Variants in HMCN1 observed in about 807,000 individuals in gnomAD.
The protein encoded by HMCN1 is hemicentin-1.
Under a neutral mutation model 625.9 loss-of-function variants are expected in HMCN1, and 321 were observed. That is an observed-to-expected ratio of 0.51 (90% confidence interval 0.47 to 0.56). HMCN1 has a LOEUF of 0.56. Among genes scored for constraint, HMCN1 ranks in the 20% least tolerant of loss-of-function variants. The probability of loss-of-function intolerance (pLI) is 0.00; values close to 1 mark genes in which losing one functional copy is unlikely to be tolerated. For synonymous variants in HMCN1, 2,425 were observed against 2,417.6 expected (o/e 1.00, Z -0.09); for missense variants, 6,588 against 6,887.3 (o/e 0.96, Z 1.54).
chr1:185,961,138 G>A (rs896296247), intron 11 of HMCN1, among the ~76,000 whole-genome samples: 1 of 152,122 alleles, frequency 6.6e-6, no homozygotes, highest in Non-Finnish European at 1.5e-5. Context: ...AAAAGGGGAG[G>A]GGGACAATTG....
intron 41 of HMCN1, among the ~76,000 whole-genome samples, chr1:186,046,884 A>G (rs1314294220): frequency 6.6e-6 from 1 of 152,188 alleles, no homozygotes; most frequent in Non-Finnish European, 1.5e-5. Flanking sequence ...ACACTCTCAT[A>G]ATAACCCAAC....
At chr1:185,891,751 C>G (rs1205282909) in intron 4 of HMCN1, among the ~76,000 whole-genome samples, 1 of 148,064 alleles carries the variant, frequency 6.8e-6, no homozygotes, top group Non-Finnish European at 1.5e-5. Flanking sequence ...ACATTTTTTC[C>G]TTCATTTCAA....
chr1:185,921,170 T>C (rs1666987204), intron 6 of HMCN1, among the ~76,000 whole-genome samples: 1 of 152,222 alleles, frequency 6.6e-6, no homozygotes, highest in Non-Finnish European at 1.5e-5. Context: ...TATAATCTTT[T>C]GTAACCTTTA....
intron 103 of HMCN1, among the ~76,000 whole-genome samples, chr1:186,175,612 G>A (rs1001113632): frequency 2.0e-5 from 3 of 152,100 alleles, no homozygotes; most frequent in African/African-American, 4.8e-5. Flanking sequence ...CCATAACCGT[G>A]ACTTTTCAGA....
At chr1:185,986,824 C>T (rs1349420675) in intron 19 of HMCN1, among the ~76,000 whole-genome samples, 3 of 116,562 alleles carry the variant, frequency 2.6e-5, no homozygotes, top group Non-Finnish European at 5.0e-5. Context: ...AAGACCCTGT[C>T]TCAAAAAAAA....
At chr1:185,887,373 C>T (rs971773971) in intron 4 of HMCN1, among the ~76,000 whole-genome samples, 22 of 151,456 alleles carry the variant, frequency 1.5e-4, no homozygotes, top group South Asian at 1.3e-3. Flanking sequence ...TAGTTACATA[C>T]GTATACATGT....
chr1:186,049,236 G>T (rs1009339198), intron 42 of HMCN1, among the ~76,000 whole-genome samples: 1 of 152,062 alleles, frequency 6.6e-6, no homozygotes, highest in African/African-American at 2.4e-5. Context: ...GGGCGCTTGC[G>T]TGGTGGGAGA....
chr1:185,843,316 C>T (rs57642813), intron 1 of HMCN1, among the ~76,000 whole-genome samples: 4,678 of 152,102 alleles, frequency 0.031, 259 homozygotes, highest in African/African-American at 0.11. Context: ...CTGACAGGTA[C>T]GTCGGCAGGA....
At chr1:186,062,752 T>G in intron 48 of HMCN1, 152 bp downstream of exon 48, 1 of 684,438 alleles carries the variant, frequency 1.5e-6, no homozygotes, top group Admixed American at 2.1e-5. Context: ...GTCTCAGTGA[T>G]GGTAAACATT....
At chr1:186,071,320 T>C (rs181041832) in intron 52 of HMCN1, among the ~76,000 whole-genome samples, 1 of 152,276 alleles carries the variant, frequency 6.6e-6, no homozygotes, top group East Asian at 1.9e-4. Flanking sequence ...AAAAAGATGA[T>C]GAAGGGCCCA....
chr1:185,907,670 T>A (rs1221790012), intron 4 of HMCN1, among the ~76,000 whole-genome samples: 1 of 152,054 alleles, frequency 6.6e-6, no homozygotes, highest in South Asian at 2.1e-4. Context: ...ATTACTTTAC[T>A]TTGCCTGTGA....
At chr1:185,946,475 C>G (rs184074436) in intron 11 of HMCN1, among the ~76,000 whole-genome samples, 1 of 152,200 alleles carries the variant, frequency 6.6e-6, no homozygotes, top group Non-Finnish European at 1.5e-5. Flanking sequence ...TGATTTGCCA[C>G]TCTTTTCTAA....
chr1:186,178,435 A>C lies in HMCN1; in HGVS notation c.15963A>C (p.Gln5321His). The C allele has an allele frequency of 6.2e-7, 1 of 1,613,968 alleles. No individual in the cohort carries two copies. Among genetic ancestry groups the C allele is most frequent in the South Asian group, 1.1e-5 (1 of 91,072 alleles). The change falls in exon 104 of 107, where the codon CAA becomes CAC. Residue 5321 changes from glutamine (Q) to histidine (H), a missense_variant. Transcript: ENST00000271588. ...GAGCAGACATTAATGAATGTGAACAAGTGCCTAAACCTTGTGCACATCAGT... is the reference window on the plus strand; with the variant it reads ...GAGCAGACATTAATGAATGTGAACACGTGCCTAAACCTTGTGCACATCAGT... ...RPCMDINECEQVPKPCAHQCS... is the reference protein window; with the variant it reads ...RPCMDINECEHVPKPCAHQCS...
At chr1:185,922,220 A>G (rs533597177) in intron 6 of HMCN1, among the ~76,000 whole-genome samples, 159 bp from the exon 7 acceptor site, 159 of 152,262 alleles carry the variant, frequency 1.0e-3, no homozygotes, top group African/African-American at 3.7e-3. Context: ...TGCATTTAAA[A>G]TATAGAATCC....
At chr1:186,064,049 G>T (rs1398348342) in intron 48 of HMCN1, among the ~76,000 whole-genome samples, 1 of 152,054 alleles carries the variant, frequency 6.6e-6, no homozygotes, top group Non-Finnish European at 1.5e-5. Flanking sequence ...AATAAGCAGA[G>T]GGGGGAATGT....
intron 52 of HMCN1, 43 bp from the exon 53 acceptor site, chr1:186,074,698 C>A (rs767059738): frequency 1.3e-6 from 2 of 1,584,876 alleles, no homozygotes; most frequent in South Asian, 2.2e-5. Context: ...TTAGAGGATT[C>A]ATTATAGCAC....
intron 1 of HMCN1, among the ~76,000 whole-genome samples, chr1:185,778,065 C>G (rs1482431521): frequency 1.3e-5 from 2 of 152,190 alleles, no homozygotes; most frequent in Non-Finnish European, 2.9e-5. Context: ...AACTTTCTTA[C>G]TCCCTTGAGT....
At chr1:185,920,274 A>T (rs1441163162) in intron 6 of HMCN1, among the ~76,000 whole-genome samples, 1 of 152,026 alleles carries the variant, frequency 6.6e-6, no homozygotes, top group Non-Finnish European at 1.5e-5. Flanking sequence ...TTTATTTGGG[A>T]TGTCCTTTGT....
At position 185,977,788 on chromosome 1, in the gene HMCN1, A is replaced by G. The variant is rs1205609109; in HGVS notation, c.2373A>G (p.Ser791=). The change falls in exon 16 of 107, where the codon TCA becomes TCG. Residue 791 remains serine (S), a splice_region_variant and synonymous_variant. Coordinates refer to ENST00000271588, the MANE Select transcript of HMCN1 (RefSeq NM_031935.3). ...ATGKITLDVG[S]PPVFIQEPAD... ...TTTGTTGTTTGTAATGTCTTCCAGC[A>G]CCTCCAGTTTTCATACAAGAACCTG... The G allele has an allele frequency of 6.2e-7, 1 of 1,607,580 alleles. No homozygotes were observed. Among genetic ancestry groups the G allele is most frequent in the South Asian group, 1.1e-5 (1 of 90,930 alleles).
Sources: gnomAD v4.1 joint callset for allele counts (sites outside exome capture counted in the v4.1 genomes callset) on GRCh38, gnomAD v4.1.1 for gene constraint, MANE v1.5 for transcripts, NCBI Gene and HGNC (gene_info 2026-07-23, HGNC 2026-07-21) for gene names.